OTULINL: variants seen among roughly 807,000 people sequenced by gnomAD.
OTULINL encodes OTU deubiquitinase with linear linkage specificity like.
OTULINL carries 42 observed loss-of-function variants against 43.9 expected under a neutral mutation model. The observed-to-expected ratio is 0.96, with a 90% CI of 0.75 to 1.24. The LOEUF (loss-of-function observed/expected upper bound fraction) is 1.24. OTULINL is among the 50% of genes most tolerant of loss of function. OTULINL has a pLI of 0.00. For missense variants in OTULINL, 411 were observed against 426.4 expected (o/e 0.96, Z 0.32); for synonymous variants, 172 against 153.6 (o/e 1.12, Z -0.88).
chr5:14,602,089 G>C, intron 4 of OTULINL, 94 bp from the exon 5 acceptor site: 1 of 956,326 alleles, frequency 1.0e-6, no homozygotes, highest in Non-Finnish European at 1.5e-6. Flanking sequence ...GTCCACTTTA[G>C]TTGGGAGGAA....
At chr5:14,586,013 A>C (rs1412792689) in intron 1 of OTULINL, among the ~76,000 whole-genome samples, 1 of 152,228 alleles carries the variant, frequency 6.6e-6, no homozygotes, top group Non-Finnish European at 1.5e-5. Context: ...AAAAGTTTTT[A>C]TTACTGGGCT....
chr5:14,610,528 TTGG>T lies in OTULINL; in HGVS notation c.*218_*220del, dbSNP rs1382030367. The T allele has an allele frequency of 1.0e-5, 5 of 487,442 alleles. No homozygotes were observed. Among genetic ancestry groups the T allele is most frequent in the African/African-American group, 7.6e-5 (4 of 52,346 alleles). 30.2% of individuals were successfully genotyped at this position (487,442 alleles called of 1,614,324 possible). On this transcript the variant is annotated 3_prime_UTR_variant, in exon 8 of 8. Transcript: ENST00000274217. ...GCAGCTGCACTGATACATTTGGGAG[TTGG>T]TGGCTTGACTTTGTCCATAAGGGGC...
chr5:14,609,001 CAT>C lies in OTULINL; in HGVS notation c.882_883del (p.Cys295TrpfsTer6), dbSNP rs748874628. On this transcript the variant is annotated frameshift_variant, in exon 7 of 8. Coordinates refer to ENST00000274217, the MANE Select transcript of OTULINL (RefSeq NM_019018.3). LOFTEE classifies it high-confidence loss of function. Reference sequence around the variant, plus strand: ...AATCACCTGAATTCTGTAGGCGACACATGTGGACTAGAGCAGGTAACCGGGGA... The same window carrying C: ...AATCACCTGAATTCTGTAGGCGACACGTGGACTAGAGCAGGTAACCGGGGA... 245 of 1,612,418 alleles carry C rather than the reference CAT, an allele frequency of 1.5e-4. No homozygotes were observed. Among genetic ancestry groups the C allele is most frequent in the Non-Finnish European group, 2.0e-4 (234 of 1,179,038 alleles).
chr5:14,604,535 G>A (rs1311314390), intron 5 of OTULINL, among the ~76,000 whole-genome samples: 1 of 152,122 alleles, frequency 6.6e-6, no homozygotes, highest in African/African-American at 2.4e-5. Flanking sequence ...TCCAAAACAA[G>A]GCAAGTCCCT....
At chr5:14,590,914 G>GT (rs1759190616) in intron 1 of OTULINL, among the ~76,000 whole-genome samples, 1 of 151,926 alleles carries the variant, frequency 6.6e-6, no homozygotes, top group Admixed American at 6.6e-5. Context: ...GTTTTACATT[G>GT]TAAAGAGTTT....
chr5:14,610,157 T>C lies in OTULINL; in HGVS notation c.914T>C (p.Leu305Pro), dbSNP rs1374095447. The change falls in exon 8 of 8, where the codon CTT becomes CCT. Residue 305 changes from leucine to proline, a missense_variant. Leu to Pro is a moderately conservative substitution (Grantham distance 98). Transcript: ENST00000274217. ...CGLEQIDMFILGYSLEVKIKV... is the reference protein window; with the variant it reads ...CGLEQIDMFIPGYSLEVKIKV... ...CATCCACAGATTGATATGTTTATAC[T>C]TGGATACTCCCTTGAAGTAAAGATA... 4 of 1,613,906 alleles carry C rather than the reference T, an allele frequency of 2.5e-6. No homozygotes were observed. Among genetic ancestry groups the C allele is most frequent in the Non-Finnish European group, 3.4e-6 (4 of 1,179,904 alleles).
intron 2 of OTULINL, 24 bp downstream of exon 2, chr5:14,601,148 A>G: frequency 6.2e-7 from 1 of 1,611,052 alleles, no homozygotes; most frequent in Non-Finnish European, 8.5e-7. Flanking sequence ...TCATCCTTAA[A>G]TTTCAAATGT....
intron 1 of OTULINL, among the ~76,000 whole-genome samples, chr5:14,588,981 C>T (rs1385123966): frequency 3.3e-5 from 5 of 152,152 alleles, no homozygotes; most frequent in South Asian, 4.1e-4. Context: ...GAGGAGAGAA[C>T]GGACCCTGGG....
At position 14,610,352 on chromosome 5, in the gene OTULINL, G is replaced by C; in HGVS notation, c.*38G>C. 1 of 1,594,276 alleles carries C rather than the reference G, an allele frequency of 6.3e-7. No homozygotes were observed. Among genetic ancestry groups the C allele is most frequent in the Non-Finnish European group, 8.6e-7 (1 of 1,168,598 alleles). On this transcript the variant is annotated 3_prime_UTR_variant, in exon 8 of 8. Transcript: ENST00000274217. ...CCGAACAGCAGTGCTCACCAGTGAC[G>C]GTGGTCACAGTTGCAATAAAGTCTC...
chr5:14,592,574 C>G (rs1759222505), intron 1 of OTULINL, among the ~76,000 whole-genome samples: 1 of 152,168 alleles, frequency 6.6e-6, no homozygotes, highest in African/African-American at 2.4e-5. Context: ...TAGTGGGAAA[C>G]AGTCATGAAT....
chr5:14,588,839 A>G (rs924036900), intron 1 of OTULINL, among the ~76,000 whole-genome samples: 9 of 152,234 alleles, frequency 5.9e-5, no homozygotes, highest in African/African-American at 2.2e-4. Context: ...AGCCCTTCTG[A>G]AAGTTGCACA....
intron 1 of OTULINL, among the ~76,000 whole-genome samples, chr5:14,599,164 C>G (rs1221922315): frequency 6.6e-6 from 1 of 152,112 alleles, no homozygotes; most frequent in Non-Finnish European, 1.5e-5. Context: ...TGAAAATATC[C>G]TTTTAAGTAA....
rs371775334 is a variant in OTULINL, at chr5:14,612,719, A to G, written c.*2405A>G. ...GCTTCCTGGGTGATGCCAACATTTA[A>G]ATGTCTTTCTAACCGTATATGTTTT... On this transcript the variant is annotated 3_prime_UTR_variant, in exon 8 of 8. Transcript: ENST00000274217. 1 of 152,152 alleles carries G rather than the reference A, an allele frequency of 6.6e-6. No homozygotes were observed. The highest frequency in any genetic ancestry group is 2.1e-4 in the South Asian group (1 of 4,828). The allele number at this position is 152,152 out of a possible 1,614,324, so 9.4% of individuals were successfully genotyped here. A position where few individuals can be genotyped will look rare whatever the true frequency, so the allele number is the denominator to read the frequency against.
chr5:14,612,164 G>A lies in OTULINL; in HGVS notation c.*1850G>A, dbSNP rs369672288. 1.3e-5 allele frequency: 2 copies of A among 152,182 alleles called. No homozygotes were observed. Among genetic ancestry groups the A allele is most frequent in the Non-Finnish European group, 2.9e-5 (2 of 68,030 alleles). 9.4% of individuals were successfully genotyped at this position (152,182 alleles called of 1,614,324 possible). ...GAAGATATCCCCCTGATGTGTTACTGTAACCAAGAAAGCATGAACGTTACC... is the reference window on the plus strand; with the variant it reads ...GAAGATATCCCCCTGATGTGTTACTATAACCAAGAAAGCATGAACGTTACC... On this transcript the variant is annotated 3_prime_UTR_variant, in exon 8 of 8. Coordinates refer to ENST00000274217, the MANE Select transcript of OTULINL (RefSeq NM_019018.3).
Position 14,581,955 on chromosome 5 carries a change from G to A in OTULINL, c.61G>A (p.Ala21Thr). Residue 21 changes from alanine (A) to threonine (T), a missense_variant, in exon 1 of 8, where the codon GCA becomes ACA. Transcript: ENST00000274217. Reference sequence around the variant, plus strand: ...GCGGGAGCGGTCTGGCGCTCCCGCCGCAGGTGAGCCTGGGGCCGGGCGGGG... The same window carrying A: ...GCGGGAGCGGTCTGGCGCTCCCGCCACAGGTGAGCCTGGGGCCGGGCGGGG... ...RERERSGAPAAGSDQVHSWML... is the reference protein window; with the variant it reads ...RERERSGAPATGSDQVHSWML... 5.2e-6 allele frequency: 7 copies of A among 1,353,608 alleles called. No individual in the cohort carries two copies. The highest frequency in any genetic ancestry group is 5.7e-6 in the Non-Finnish European group (6 of 1,053,060). 83.8% of individuals were successfully genotyped at this position (1,353,608 alleles called of 1,614,324 possible).
rs768904143 is a variant in OTULINL, at chr5:14,601,458, G to A, written c.348+16G>A. 6 of 1,591,412 alleles carry A rather than the reference G, an allele frequency of 3.8e-6. No individual in the cohort carries two copies. Among genetic ancestry groups the A allele is most frequent in the Non-Finnish European group, 5.2e-6 (6 of 1,164,012 alleles). On this transcript the variant is annotated intron_variant, in intron 4 of 7. Coordinates refer to ENST00000274217, the MANE Select transcript of OTULINL (RefSeq NM_019018.3). Reference sequence around the variant, plus strand: ...GATGAGGAAGGTGTGTCTGTTTTTAGAGGGTATGGGAGAAATAGAGTTTGT... The same window carrying A: ...GATGAGGAAGGTGTGTCTGTTTTTAAAGGGTATGGGAGAAATAGAGTTTGT...
At chr5:14,593,447 A>C (rs1289407544) in intron 1 of OTULINL, among the ~76,000 whole-genome samples, 1 of 152,220 alleles carries the variant, frequency 6.6e-6, no homozygotes, top group Non-Finnish European at 1.5e-5. Context: ...GACAGAATGA[A>C]GACAAGAGTC....
At chr5:14,587,870 A>C (rs1759133913) in intron 1 of OTULINL, among the ~76,000 whole-genome samples, 1 of 152,046 alleles carries the variant, frequency 6.6e-6, no homozygotes, top group African/African-American at 2.4e-5. Flanking sequence ...ATTTGTTTGA[A>C]TTTTGAATTT....
At chr5:14,583,917 A>G (rs1462620589) in intron 1 of OTULINL, among the ~76,000 whole-genome samples, 2 of 152,260 alleles carry the variant, frequency 1.3e-5, no homozygotes, top group Admixed American at 6.5e-5. Context: ...GATTTTTACT[A>G]TTTCTTCTTT....
Sources: gnomAD v4.1 joint callset for allele counts (sites outside exome capture counted in the v4.1 genomes callset) on GRCh38, gnomAD v4.1.1 for gene constraint, MANE v1.5 for transcripts, NCBI Gene and HGNC (gene_info 2026-07-23, HGNC 2026-07-21) for gene names.